Variants in TCF12 observed in about 807,000 individuals in gnomAD.
The protein encoded by TCF12 is transcription factor 12.
TCF12 carries 45 observed loss-of-function variants against 86.0 expected under a neutral mutation model. The observed-to-expected ratio is 0.52, with a 90% CI of 0.41 to 0.67. The LOEUF (loss-of-function observed/expected upper bound fraction) is 0.67. Ranked by LOEUF, TCF12 falls within the 30% of genes least tolerant of loss-of-function variation. TCF12 has a pLI of 0.00. For synonymous variants in TCF12, 330 were observed against 299.6 expected (o/e 1.10, Z -1.05); for missense variants, 881 against 859.9 (o/e 1.02, Z -0.31).
intron 10 of TCF12, 72 bp downstream of exon 10, chr15:57,232,502 G>A (rs2059182493): frequency 2.0e-6 from 3 of 1,521,618 alleles, no homozygotes; most frequent in Non-Finnish European, 2.6e-6. Flanking sequence ...GATTAGAAGT[G>A]TAAAATCTAA....
intron 8 of TCF12, among the ~76,000 whole-genome samples, chr15:57,226,070 A>G (rs989475378): frequency 1.3e-5 from 2 of 149,502 alleles, no homozygotes; most frequent in Non-Finnish European, 1.5e-5. Flanking sequence ...AAATCTTAAA[A>G]TTACCTAGTT....
chr15:57,136,574 T>A (rs1334342986), intron 5 of TCF12, among the ~76,000 whole-genome samples: 2 of 151,396 alleles, frequency 1.3e-5, no homozygotes, highest in Non-Finnish European at 3.0e-5. Flanking sequence ...CTAATACATA[T>A]AAAGGAAATA....
chr15:57,110,500 C>T (rs911700242), intron 5 of TCF12, among the ~76,000 whole-genome samples: 7 of 152,148 alleles, frequency 4.6e-5, no homozygotes, highest in Admixed American at 1.3e-4. Context: ...CTGGCGTCAT[C>T]GTTCCATGGT....
At chr15:56,954,257 A>T (rs1595836768) in intron 3 of TCF12, among the ~76,000 whole-genome samples, 1 of 152,044 alleles carries the variant, frequency 6.6e-6, no homozygotes. Context: ...GTTTAATTTG[A>T]TTGTGGTTCA....
chr15:57,228,804 T>C (rs2059002659), intron 8 of TCF12, among the ~76,000 whole-genome samples: 1 of 152,002 alleles, frequency 6.6e-6, no homozygotes, highest in African/African-American at 2.4e-5. Context: ...TAAAGAAATA[T>C]AAATTGATAA....
At chr15:56,929,204 A>G (rs1198347357) in intron 3 of TCF12, among the ~76,000 whole-genome samples, 1 of 152,146 alleles carries the variant, frequency 6.6e-6, no homozygotes, top group South Asian at 2.1e-4. Context: ...ATGCTGGCCA[A>G]TCCTTAATGA....
At chr15:57,006,486 A>G (rs562436526) in intron 3 of TCF12, among the ~76,000 whole-genome samples, 23 of 151,922 alleles carry the variant, frequency 1.5e-4, no homozygotes, top group Non-Finnish European at 3.2e-4. Flanking sequence ...TGTATTTTTA[A>G]TAGAGATGGG....
At chr15:57,131,388 T>C (rs1195642344) in intron 5 of TCF12, among the ~76,000 whole-genome samples, 4 of 152,238 alleles carry the variant, frequency 2.6e-5, no homozygotes, top group Admixed American at 6.5e-5. Context: ...GGAGAGGTTT[T>C]ATGATCTTTT....
chr15:57,278,740 C>CCTCTCT (rs1370772726), intron 19 of TCF12: 1 of 125,404 alleles, frequency 8.0e-6, no homozygotes, highest in African/African-American at 3.1e-5. Flanking sequence ...CCTCTCTCTC[C>CCTCTCT]CTCCCTCCCT....
intron 3 of TCF12, among the ~76,000 whole-genome samples, chr15:56,987,403 C>T (rs1478992429): frequency 6.6e-6 from 1 of 152,190 alleles, no homozygotes; most frequent in African/African-American, 2.4e-5. Flanking sequence ...GCTTGAGCCA[C>T]CGTGCCTGGC....
intron 8 of TCF12, among the ~76,000 whole-genome samples, chr15:57,201,627 T>G (rs1401814440): frequency 6.6e-6 from 1 of 151,730 alleles, no homozygotes; most frequent in East Asian, 1.9e-4. Context: ...TGAGAAGAGA[T>G]AAGTTGTCAT....
chr15:57,044,969 A>G (rs956278169), intron 3 of TCF12, among the ~76,000 whole-genome samples: 1 of 152,236 alleles, frequency 6.6e-6, no homozygotes, highest in Non-Finnish European at 1.5e-5. Flanking sequence ...CAAAGCATCC[A>G]GAATCATAGT....
At chr15:56,979,181 T>C (rs932479628) in intron 3 of TCF12, among the ~76,000 whole-genome samples, 11 of 152,326 alleles carry the variant, frequency 7.2e-5, no homozygotes, top group Admixed American at 5.2e-4. Flanking sequence ...TTTCTTATGC[T>C]TTACATTCTG....
chr15:57,026,294 A>G (rs1208636911), intron 3 of TCF12, among the ~76,000 whole-genome samples: 2 of 152,234 alleles, frequency 1.3e-5, no homozygotes, highest in African/African-American at 2.4e-5. Flanking sequence ...TCTTCTCTGA[A>G]AGAGCATCAT....
chr15:57,177,920 A>G (rs2056071203), intron 6 of TCF12, among the ~76,000 whole-genome samples: 3 of 152,082 alleles, frequency 2.0e-5, no homozygotes, highest in Non-Finnish European at 2.9e-5. Context: ...CATGTTGCCC[A>G]GGCTGCATTC....
intron 3 of TCF12, among the ~76,000 whole-genome samples, chr15:56,961,007 G>A (rs2061724870): frequency 6.6e-6 from 1 of 151,678 alleles, no homozygotes; most frequent in African/African-American, 2.4e-5. Flanking sequence ...GGGTGTGGTG[G>A]CGGGCACCTG....
intron 6 of TCF12, among the ~76,000 whole-genome samples, chr15:57,170,987 G>A (rs2055446942): frequency 6.7e-6 from 1 of 149,320 alleles, no homozygotes; most frequent in African/African-American, 2.5e-5. Context: ...TGATTCACAT[G>A]GACTAGAGTT....
At chr15:57,215,884 T>C (rs1311525708) in intron 8 of TCF12, among the ~76,000 whole-genome samples, 3 of 152,172 alleles carry the variant, frequency 2.0e-5, no homozygotes, top group Non-Finnish European at 2.9e-5. Flanking sequence ...AAATTTTATA[T>C]AGCTCTCCAA....
At chr15:56,939,378 T>C (rs1189716734) in intron 3 of TCF12, among the ~76,000 whole-genome samples, 1 of 152,148 alleles carries the variant, frequency 6.6e-6, no homozygotes, top group Non-Finnish European at 1.5e-5. Context: ...TATTGTATAA[T>C]AGCTGGTCAG....
Sources: allele counts gnomAD v4.1 joint callset (sites outside exome capture counted in the v4.1 genomes callset), GRCh38; gene constraint gnomAD v4.1.1; transcripts MANE v1.5; gene names NCBI Gene and HGNC (gene_info 2026-07-23, HGNC 2026-07-21).